Variants in RABGAP1L observed in about 807,000 individuals in gnomAD.
RABGAP1L encodes the protein RAB GTPase activating protein 1 like.
Under a neutral mutation model 137.7 loss-of-function variants are expected in RABGAP1L, and 63 were observed. The ratio of observed to expected loss-of-function variants is 0.46; its 90% confidence interval spans 0.37 to 0.56. RABGAP1L has a LOEUF of 0.56. RABGAP1L is among the 20% of genes least tolerant of loss of function. RABGAP1L has a pLI of 0.00. For missense variants in RABGAP1L, 1,095 were observed against 1,244.0 expected (o/e 0.88, Z 1.80); for synonymous variants, 431 against 433.7 (o/e 0.99, Z 0.08).
At chr1:174,566,410 A>G (rs1408257556) in intron 13 of RABGAP1L, among the ~76,000 whole-genome samples, 2 of 152,008 alleles carry the variant, frequency 1.3e-5, no homozygotes, top group Admixed American at 6.6e-5. Flanking sequence ...ATTGTTATTC[A>G]CCCTGCTCTG....
chr1:174,245,046 T>G (rs1344094299), intron 5 of RABGAP1L: 1 of 152,236 alleles, frequency 6.6e-6, no homozygotes, highest in African/African-American at 2.4e-5. Flanking sequence ...TGACACTGTA[T>G]AAAAGAAAAC....
intron 11 of RABGAP1L, among the ~76,000 whole-genome samples, chr1:174,314,485 TAA>T (rs1297353136): frequency 1.3e-5 from 2 of 152,196 alleles, no homozygotes; most frequent in Non-Finnish European, 2.9e-5. Context: ...GTTCATTTTT[TAA>T]AGTTTCAATT....
intron 19 of RABGAP1L, among the ~76,000 whole-genome samples, chr1:174,875,890 C>G (rs1277478218): frequency 2.0e-5 from 3 of 152,156 alleles, no homozygotes. Flanking sequence ...CTGACTCCAA[C>G]AAGGGTCAAA....
intron 17 of RABGAP1L, among the ~76,000 whole-genome samples, chr1:174,717,911 C>A (rs1681156259): frequency 6.6e-6 from 1 of 152,160 alleles, no homozygotes; most frequent in African/African-American, 2.4e-5. Flanking sequence ...TCAAGTAATT[C>A]TTTTCTCCAA....
At chr1:174,865,164 C>T (rs1437238098) in intron 19 of RABGAP1L, among the ~76,000 whole-genome samples, 1 of 151,992 alleles carries the variant, frequency 6.6e-6, no homozygotes, top group Non-Finnish European at 1.5e-5. Context: ...GTGCCACTTG[C>T]ACAAATATAT....
At chr1:174,700,249 C>G (rs969422510) in intron 16 of RABGAP1L, among the ~76,000 whole-genome samples, 1 of 152,108 alleles carries the variant, frequency 6.6e-6, no homozygotes, top group Non-Finnish European at 1.5e-5. Flanking sequence ...AGTGATTGAC[C>G]AGAGCTGACA....
intron 13 of RABGAP1L, among the ~76,000 whole-genome samples, chr1:174,426,704 T>C (rs1652003320): frequency 6.6e-6 from 1 of 152,134 alleles, no homozygotes. Context: ...GGTGTTAGTG[T>C]TCTGATTTTT....
At chr1:174,768,637 C>T (rs931677062) in intron 18 of RABGAP1L, among the ~76,000 whole-genome samples, 1 of 152,240 alleles carries the variant, frequency 6.6e-6, no homozygotes, top group African/African-American at 2.4e-5. Context: ...AGAAGAAACA[C>T]AAACCCTGGA....
At chr1:174,886,817 T>C (rs1301002801) in intron 19 of RABGAP1L, among the ~76,000 whole-genome samples, 1 of 151,828 alleles carries the variant, frequency 6.6e-6, no homozygotes, top group Non-Finnish European at 1.5e-5. Flanking sequence ...TAATTCTTTT[T>C]TTTTTCTTTT....
At chr1:174,972,033 C>T (rs1168881120) in intron 21 of RABGAP1L, among the ~76,000 whole-genome samples, 1 of 152,260 alleles carries the variant, frequency 6.6e-6, no homozygotes, top group Non-Finnish European at 1.5e-5. Flanking sequence ...GAGCCTTCCT[C>T]TCTTGAGAAC....
At chr1:174,941,217 A>T (rs60280664) in intron 19 of RABGAP1L, among the ~76,000 whole-genome samples, 2,478 of 151,996 alleles carry the variant, frequency 0.016, 62 homozygotes, top group African/African-American at 0.056. Context: ...TGTAATTTAC[A>T]TTAAAACACC....
intron 21 of RABGAP1L, among the ~76,000 whole-genome samples, chr1:174,974,837 C>T (rs75539334): frequency 0.024 from 3,620 of 152,302 alleles, 134 homozygotes; most frequent in African/African-American, 0.083. Flanking sequence ...AGAAAACAGA[C>T]AGAAGGCCGC....
At chr1:174,976,814 TA>T (rs1670683261) in intron 22 of RABGAP1L, among the ~76,000 whole-genome samples, 1 of 152,208 alleles carries the variant, frequency 6.6e-6, no homozygotes, top group Non-Finnish European at 1.5e-5. Flanking sequence ...CAGTATAGGA[TA>T]GGGGCAGAGA....
chr1:174,622,651 C>T (rs1672611663), intron 13 of RABGAP1L, among the ~76,000 whole-genome samples: 1 of 152,068 alleles, frequency 6.6e-6, no homozygotes, highest in South Asian at 2.1e-4. Flanking sequence ...GGGAATTGAA[C>T]AATGAGAACA....
intron 18 of RABGAP1L, chr1:174,800,023 C>T (rs912844636): frequency 7.0e-6 from 8 of 1,136,810 alleles, no homozygotes; most frequent in Non-Finnish European, 8.7e-6. Context: ...GCAGCTTGTC[C>T]GTTTTTACAC....
At chr1:174,963,780 A>C (rs1032356402) in intron 20 of RABGAP1L, among the ~76,000 whole-genome samples, 1 of 151,992 alleles carries the variant, frequency 6.6e-6, no homozygotes, top group Non-Finnish European at 1.5e-5. Context: ...TTTGTATGAC[A>C]TTTGTAGAGT....
chr1:174,434,716 G>T (rs2149207910), intron 13 of RABGAP1L, among the ~76,000 whole-genome samples: 1 of 152,116 alleles, frequency 6.6e-6, no homozygotes, highest in African/African-American at 2.4e-5. Flanking sequence ...CATCTATTTT[G>T]CCTTTTCCTG....
chr1:174,590,278 G>A (rs1216058150), intron 13 of RABGAP1L, among the ~76,000 whole-genome samples: 4 of 148,512 alleles, frequency 2.7e-5, no homozygotes, highest in Non-Finnish European at 6.0e-5. Context: ...ATGAATATGA[G>A]ACTGTAAAGT....
rs142926198 is a variant in RABGAP1L at position 174,347,107 on chromosome 1, A to AAATTTAATAC, written c.1466-23871_1466-23862dup. On this transcript the variant is annotated intron_variant, in intron 11 of 25. Transcript: ENST00000681986. Reference sequence around the variant, plus strand: ...TTGATATAATTTCAGTTTTTAAAATAAATTTAATACTTTTTTTTGGCCTAA... The same window carrying AAATTTAATAC: ...TTGATATAATTTCAGTTTTTAAAATAAATTTAATACAATTTAATACTTTTTTTTGGCCTAA... Among the ~76,000 whole-genome samples the AAATTTAATAC allele has an allele frequency of 7.3e-3, 1,105 of 152,294 alleles. 47 individuals are homozygous for AAATTTAATAC. The East Asian group carries it at 0.13, about 19-fold the overall frequency.
Sources: gnomAD v4.1 joint callset for allele counts (sites outside exome capture counted in the v4.1 genomes callset) on GRCh38, gnomAD v4.1.1 for gene constraint, MANE v1.5 for transcripts, NCBI Gene and HGNC (gene_info 2026-07-23, HGNC 2026-07-21) for gene names.